Variants in SYT16 observed in about 807,000 individuals in gnomAD.
The protein encoded by SYT16 is synaptotagmin 16, also known as synaptotagmin-16.
SYT16 carries 42 observed loss-of-function variants against 61.4 expected under a neutral mutation model. The ratio of observed to expected loss-of-function variants is 0.68; its 90% confidence interval spans 0.53 to 0.89. The LOEUF is 0.89. Ranked by LOEUF, SYT16 falls within the 40% of genes least tolerant of loss-of-function variation. The pLI, the probability that SYT16 is intolerant of heterozygous loss-of-function variation, is 0.00. For synonymous variants in SYT16, 314 were observed against 302.3 expected (o/e 1.04, Z -0.40); for missense variants, 804 against 807.3 (o/e 1.00, Z 0.05).
chr14:61,938,476 T>C (rs2050077909), intron 1 of SYT16, among the ~76,000 whole-genome samples: 1 of 151,908 alleles, frequency 6.6e-6, no homozygotes, highest in Non-Finnish European at 1.5e-5. Flanking sequence ...GGGAGGGGAT[T>C]GGATTAAAGG....
intron 3 of SYT16, among the ~76,000 whole-genome samples, chr14:62,041,886 C>A (rs996232188): frequency 2.6e-5 from 4 of 152,094 alleles, no homozygotes; most frequent in Non-Finnish European, 5.9e-5. Flanking sequence ...TGTTTTCAAG[C>A]TCACTAGTCT....
chr14:61,897,737 A>G (rs1023325477), intron 1 of SYT16, among the ~76,000 whole-genome samples: 2 of 152,110 alleles, frequency 1.3e-5, no homozygotes, highest in Non-Finnish European at 2.9e-5. Context: ...GAGGGAGGCA[A>G]GCAGAAGCCA....
chr14:61,966,836 C>T (rs999194815), intron 1 of SYT16, among the ~76,000 whole-genome samples: 16 of 152,068 alleles, frequency 1.1e-4, no homozygotes, highest in African/African-American at 3.9e-4. Flanking sequence ...TATGTCTTTC[C>T]AGGAGTTTTC....
At chr14:62,077,110 C>A (rs2056524863) in intron 5 of SYT16, among the ~76,000 whole-genome samples, 1 of 152,202 alleles carries the variant, frequency 6.6e-6, no homozygotes, top group Non-Finnish European at 1.5e-5. Flanking sequence ...TGCCTCTTAG[C>A]TGTATTGAGA....
chr14:61,893,285 A>G (rs1191234244), intron 1 of SYT16, among the ~76,000 whole-genome samples: 3 of 152,214 alleles, frequency 2.0e-5, no homozygotes, highest in African/African-American at 7.2e-5. Flanking sequence ...ACCAATATAA[A>G]GTTAACGCTG....
At chr14:62,043,699 G>A (rs913796715) in intron 3 of SYT16, among the ~76,000 whole-genome samples, 22 of 151,966 alleles carry the variant, frequency 1.4e-4, no homozygotes, top group African/African-American at 3.6e-4. Context: ...GAGCCACCGC[G>A]CCCAGCCTTG....
intron 1 of SYT16, among the ~76,000 whole-genome samples, chr14:61,925,122 C>T (rs1462103455): frequency 6.6e-6 from 1 of 152,214 alleles, no homozygotes. Context: ...TGTTCTATTC[C>T]TAAGGAAGAA....
At chr14:61,978,296 G>A (rs887718395) in intron 2 of SYT16, among the ~76,000 whole-genome samples, 4 of 152,184 alleles carry the variant, frequency 2.6e-5, no homozygotes, top group Admixed American at 2.6e-4. Context: ...GAGAGTTGAT[G>A]AAAATTGGAG....
At chr14:61,978,917 G>T (rs1295257259) in intron 2 of SYT16, among the ~76,000 whole-genome samples, 1 of 152,212 alleles carries the variant, frequency 6.6e-6, no homozygotes, top group Non-Finnish European at 1.5e-5. Context: ...TATTCCATAA[G>T]ATTATTCAAG....
chr14:61,949,982 T>C (rs1461590967), intron 1 of SYT16, among the ~76,000 whole-genome samples: 1 of 152,234 alleles, frequency 6.6e-6, no homozygotes, highest in East Asian at 1.9e-4. Context: ...CCCAGTTTTT[T>C]AGTTCTTGTC....
chr14:62,080,905 T>G lies in SYT16; in HGVS notation c.1065T>G (p.Asp355Glu). Residue 355 changes from aspartate (D) to glutamate (E), a missense_variant, in exon 6 of 8, where the codon GAT becomes GAG. Physicochemically the swap from Asp to Glu is conservative, Grantham distance 45. Coordinates refer to ENST00000683842, the MANE Select transcript of SYT16 (RefSeq NM_001367656.1). ...CCATCTCAAAGTGTGGTGACCTAGA[T>G]GTCATCTTTGAATATAGAGCCGCCA... ...SEPISKCGDLDVIFEYRAASQ... is the reference protein window; with the variant it reads ...SEPISKCGDLEVIFEYRAASQ... The G allele has an allele frequency of 3.7e-6, 6 of 1,605,446 alleles. No individual in the cohort carries two copies. The highest frequency in any genetic ancestry group is 5.1e-6 in the Non-Finnish European group (6 of 1,175,862).
intron 1 of SYT16, chr14:61,832,195 G>A: frequency 1.5e-6 from 1 of 650,136 alleles, no homozygotes; most frequent in Non-Finnish European, 3.0e-6. Context: ...ACGGCTTTCT[G>A]TCTGGCAGAC....
At chr14:61,965,843 T>C (rs2051294172) in intron 1 of SYT16, among the ~76,000 whole-genome samples, 1 of 151,528 alleles carries the variant, frequency 6.6e-6, no homozygotes, top group Non-Finnish European at 1.5e-5. Flanking sequence ...AAAAAAATTG[T>C]GGATATCTGA....
Position 61,995,879 on chromosome 14 carries a change from G to T in SYT16, c.-141G>T. ...GTATTTCTTTCCTCTGTTTCAGCTG[G>T]AAGTTTTGAGAGTGAAATATTCACA... On this transcript the variant is annotated 5_prime_UTR_variant, in exon 3 of 8. Transcript: ENST00000683842. 1 of 817,242 alleles carries T rather than the reference G, an allele frequency of 1.2e-6. No individual in the cohort carries two copies. Among genetic ancestry groups the T allele is most frequent in the Non-Finnish European group, 1.8e-6 (1 of 546,676 alleles). 50.6% of individuals were successfully genotyped at this position (817,242 alleles called of 1,614,324 possible). A position where few individuals can be genotyped will look rare whatever the true frequency, so the allele number is the denominator to read the frequency against.
At chr14:61,966,651 A>G (rs1166841762) in intron 1 of SYT16, among the ~76,000 whole-genome samples, 1 of 152,156 alleles carries the variant, frequency 6.6e-6, no homozygotes, top group African/African-American at 2.4e-5. Context: ...AATGAGTTTC[A>G]TGCTGCTTTT....
chr14:61,906,306 A>T (rs573373384), intron 1 of SYT16, among the ~76,000 whole-genome samples: 1 of 152,212 alleles, frequency 6.6e-6, no homozygotes, highest in East Asian at 1.9e-4. Context: ...TTTTAGTAGC[A>T]CAGTCTTTCT....
chr14:61,975,719 A>AC (rs2140542204), intron 2 of SYT16, among the ~76,000 whole-genome samples: 1 of 152,294 alleles, frequency 6.6e-6, no homozygotes, highest in East Asian at 1.9e-4. Flanking sequence ...TCTTAGGGTT[A>AC]CCATAACAAC....
intron 2 of SYT16, among the ~76,000 whole-genome samples, chr14:61,986,529 G>A (rs1201252676): frequency 6.6e-6 from 1 of 151,498 alleles, no homozygotes; most frequent in East Asian, 1.9e-4. Flanking sequence ...GTATACATGT[G>A]CCATGTTGGT....
intron 1 of SYT16, among the ~76,000 whole-genome samples, chr14:61,866,601 C>G (rs2047162802): frequency 6.6e-6 from 1 of 151,960 alleles, no homozygotes; most frequent in Admixed American, 6.6e-5. Context: ...ATCTTTTGTT[C>G]ATTTAAAAAT....
Sources: allele counts gnomAD v4.1 joint callset (sites outside exome capture counted in the v4.1 genomes callset), GRCh38; gene constraint gnomAD v4.1.1; transcripts MANE v1.5; gene names NCBI Gene and HGNC (gene_info 2026-07-23, HGNC 2026-07-21).